The following IL1RAPL1 variants were observed in gnomAD, a reference collection of about 807,000 sequenced individuals.
The protein encoded by IL1RAPL1 is interleukin 1 receptor accessory protein like 1.
A neutral mutation model predicts 48.4 loss-of-function variants in IL1RAPL1; 3 were observed. That is an observed-to-expected ratio of 0.06 (90% CI 0.03 to 0.16). The LOEUF (loss-of-function observed/expected upper bound fraction) is 0.16, where lower values mean the gene tolerates loss of function less well. IL1RAPL1 is among the 10% of genes least tolerant of loss of function. The pLI is 1.00. For missense variants in IL1RAPL1, 349 were observed against 530.6 expected, an observed-to-expected ratio of 0.66 and a Z score of 3.36; for synonymous variants, 185 against 187.7, an observed-to-expected ratio of 0.99 and a Z score of 0.12.
chrX:29,770,696 T>C lies in IL1RAPL1; in HGVS notation c.778+102192T>C, dbSNP rs753328637. On this transcript the variant is annotated intron_variant, in intron 6 of 10. Transcript: ENST00000378993. ...TGTTTTAGCTGCCATTCTGTGCTGC[T>C]AAAGAGCGTCTGTTACCACCATTAT... 1.2e-4 allele frequency among the ~76,000 whole-genome samples: 14 copies of C among 112,481 alleles called. No homozygotes were observed. The South Asian group carries it at 1.8e-3, about 15-fold the overall frequency.
chrX:28,860,758 C>T (rs940767974), intron 2 of IL1RAPL1, among the ~76,000 whole-genome samples: 1 of 111,420 alleles, frequency 9.0e-6, no homozygotes, highest in Non-Finnish European at 1.9e-5. Flanking sequence ...CACCGCACTG[C>T]GCCTGGCCTA....
intron 1 of IL1RAPL1, among the ~76,000 whole-genome samples, chrX:28,592,997 G>T (rs868425726): frequency 2.7e-5 from 3 of 111,953 alleles, no homozygotes; most frequent in Non-Finnish European, 3.8e-5. Flanking sequence ...AGACAGGCTT[G>T]TTTATTTGAC....
intron 5 of IL1RAPL1, among the ~76,000 whole-genome samples, chrX:29,512,155 C>A (rs1935400284): frequency 9.1e-6 from 1 of 110,373 alleles, no homozygotes; most frequent in Admixed American, 9.7e-5. Context: ...AAAATCGAGT[C>A]TTACATAAAT....
chrX:29,229,396 T>G (rs2147556374), intron 2 of IL1RAPL1, among the ~76,000 whole-genome samples: 1 of 110,528 alleles, frequency 9.0e-6, no homozygotes, highest in Admixed American at 9.6e-5. Flanking sequence ...TTCTGTATGA[T>G]AATTTTTAAA....
At chrX:28,751,632 T>A (rs1368725845) in intron 1 of IL1RAPL1, among the ~76,000 whole-genome samples, 1 of 112,377 alleles carries the variant, frequency 8.9e-6, no homozygotes, top group African/African-American at 3.2e-5. Flanking sequence ...TCAATGTTGC[T>A]ACAGCAGTAG....
intron 1 of IL1RAPL1, among the ~76,000 whole-genome samples, chrX:28,741,438 A>G (rs1480761799): frequency 8.9e-6 from 1 of 111,742 alleles, no homozygotes; most frequent in Non-Finnish European, 1.9e-5. Context: ...GATTCTAGAT[A>G]TTAGACCTTT....
At chrX:29,576,667 A>C (rs1010641129) in intron 5 of IL1RAPL1, among the ~76,000 whole-genome samples, 3 of 110,888 alleles carry the variant, frequency 2.7e-5, no homozygotes, top group South Asian at 7.7e-4. Flanking sequence ...TAGGGTAGTG[A>C]CTTGCTAGAA....
chrX:29,553,751 T>C lies in IL1RAPL1; in HGVS notation c.704-114679T>C, dbSNP rs140803921. On this transcript the variant is annotated intron_variant, in intron 5 of 10. Coordinates refer to ENST00000378993, the MANE Select transcript of IL1RAPL1 (RefSeq NM_014271.4). ...TCCCCCTGCCAGAACCACCAGAGGATCAATCTTGGCTCTTCACTGTGAGAA... is the reference window on the plus strand; with the variant it reads ...TCCCCCTGCCAGAACCACCAGAGGACCAATCTTGGCTCTTCACTGTGAGAA... 9.5e-3 allele frequency among the ~76,000 whole-genome samples: 1,053 copies of C among 111,105 alleles called. 12 individuals are homozygous for C. Among genetic ancestry groups the C allele is most frequent in the African/African-American group, 0.032 (969 of 30,474 alleles).
chrX:29,935,741 G>A lies in IL1RAPL1; in HGVS notation c.1058-5910G>A, dbSNP rs142550364. 8.9e-3 allele frequency among the ~76,000 whole-genome samples: 996 copies of A among 111,469 alleles called. 12 individuals are homozygous for A. The highest frequency in any genetic ancestry group is 0.031 in the African/African-American group (943 of 30,694). ...CATAACAATGAAGTTCCAAGGACCT[G>A]TGGGACCTTAGTCTAACTGGGCTCT... is the stretch of plus-strand genomic sequence containing the variant. On this transcript the variant is annotated intron_variant, in intron 8 of 10. Coordinates refer to ENST00000378993, the MANE Select transcript of IL1RAPL1 (RefSeq NM_014271.4).
At chrX:29,282,245 A>G (rs1932213958) in intron 2 of IL1RAPL1, among the ~76,000 whole-genome samples, 1 of 112,637 alleles carries the variant, frequency 8.9e-6, no homozygotes, top group African/African-American at 3.2e-5. Context: ...CTGAGATAGC[A>G]CACCTGAGAA....
At chrX:28,861,941 G>C (rs986204369) in intron 2 of IL1RAPL1, among the ~76,000 whole-genome samples, 4 of 111,179 alleles carry the variant, frequency 3.6e-5, no homozygotes, top group Non-Finnish European at 7.5e-5. Context: ...CAAGTTGCTA[G>C]AAATGACTTG....
intron 5 of IL1RAPL1, among the ~76,000 whole-genome samples, chrX:29,666,350 G>A (rs1484362088): frequency 1.8e-5 from 2 of 110,533 alleles, no homozygotes; most frequent in East Asian, 5.7e-4. Flanking sequence ...AGAGGAATGG[G>A]TGGCACAACA....
At chrX:28,858,933 G>A (rs1011124527) in intron 2 of IL1RAPL1, among the ~76,000 whole-genome samples, 6 of 112,361 alleles carry the variant, frequency 5.3e-5, no homozygotes, top group African/African-American at 1.9e-4. Flanking sequence ...CTCTTTTTAA[G>A]CAATTAACAT....
chrX:29,408,983 C>T (rs1004810741), intron 5 of IL1RAPL1, among the ~76,000 whole-genome samples: 5 of 112,239 alleles, frequency 4.5e-5, no homozygotes, highest in Non-Finnish European at 9.4e-5. Flanking sequence ...TCTAATTCTT[C>T]TGCCATGGAT....
rs779532582 is a variant in IL1RAPL1, at chrX:29,108,692, C to T, written c.83-174246C>T. ...CTGGGATTACAGGAGTGAGCCACCA[C>T]GCCCAGCCTATACAATGAGCATTTT... On this transcript the variant is annotated intron_variant, in intron 2 of 10. Coordinates refer to ENST00000378993, the MANE Select transcript of IL1RAPL1 (RefSeq NM_014271.4). Among the ~76,000 whole-genome samples the T allele has an allele frequency of 1.7e-4, 19 of 111,328 alleles. No individual in the cohort carries two copies. In the South Asian group the frequency reaches 3.8e-3, roughly 22 times the overall value.
chrX:28,606,744 T>G (rs1397979900), intron 1 of IL1RAPL1, among the ~76,000 whole-genome samples: 3 of 111,786 alleles, frequency 2.7e-5, no homozygotes, highest in Admixed American at 9.5e-5. Flanking sequence ...GAGAGCTCCC[T>G]AAGAATTAAA....
chrX:28,911,774 A>C (rs1286711496), intron 2 of IL1RAPL1, among the ~76,000 whole-genome samples: 22 of 110,030 alleles, frequency 2.0e-4, no homozygotes. Context: ...TGACTAAAAA[A>C]GGAGATTTTT....
chrX:29,473,679 TAGTG>T (rs1365404324), intron 5 of IL1RAPL1, among the ~76,000 whole-genome samples: 8 of 105,252 alleles, frequency 7.6e-5, no homozygotes, highest in Admixed American at 3.1e-4. Context: ...CAAGATCACT[TAGTG>T]AGGAATTCTC....
intron 2 of IL1RAPL1, among the ~76,000 whole-genome samples, chrX:29,033,150 T>C (rs768315246): frequency 5.7e-4 from 64 of 111,512 alleles, no homozygotes; most frequent in African/African-American, 1.8e-3. Flanking sequence ...TTTATCAATT[T>C]ATTGATTACT....
Sources: allele counts gnomAD v4.1 joint callset (sites outside exome capture counted in the v4.1 genomes callset), GRCh38; gene constraint gnomAD v4.1.1; transcripts MANE v1.5; gene names NCBI Gene and HGNC (gene_info 2026-07-23, HGNC 2026-07-21).